ZNF804A: variants seen among roughly 807,000 people sequenced by gnomAD.
The protein encoded by ZNF804A is zinc finger protein 804A.
Under a neutral mutation model 16.5 loss-of-function variants are expected in ZNF804A, and 2 were observed. The observed-to-expected ratio is 0.12, with a 90% CI of 0.05 to 0.38. The LOEUF (loss-of-function observed/expected upper bound fraction) is 0.38. Ranked by LOEUF, ZNF804A falls within the 10% of genes least tolerant of loss-of-function variation. The probability of loss-of-function intolerance (pLI) is 0.99; values close to 1 mark genes in which losing one functional copy is unlikely to be tolerated. For synonymous variants in ZNF804A, 534 were observed against 489.6 expected (o/e 1.09, Z -1.20); for missense variants, 1,473 against 1,390.7 (o/e 1.06, Z -0.94).
Position 184,874,782 on chromosome 2 carries a change from G to T in ZNF804A, c.255+8270G>T, listed in dbSNP as rs530089104. On this transcript the variant is annotated intron_variant, in intron 2 of 3. Coordinates refer to ENST00000302277, the MANE Select transcript of ZNF804A (RefSeq NM_194250.2). ...TAATGTAAACAGTGCTCAGATTTCT[G>T]TCACACTTATGTTCTTATAGCATGT... 2.2e-4 allele frequency among the ~76,000 whole-genome samples: 34 copies of T among 152,098 alleles called. 1 individual carries two copies. Among genetic ancestry groups the T allele is most frequent in the Non-Finnish European group, 4.0e-4 (27 of 67,982 alleles).
chr2:184,909,146 T>G (rs913635331), intron 2 of ZNF804A, among the ~76,000 whole-genome samples: 1 of 152,138 alleles, frequency 6.6e-6, no homozygotes, highest in African/African-American at 2.4e-5. Flanking sequence ...TATTGTAATG[T>G]TCTGTTAGGA....
intron 1 of ZNF804A, among the ~76,000 whole-genome samples, chr2:184,646,462 T>C (rs1691874141): frequency 6.6e-6 from 1 of 152,194 alleles, no homozygotes; most frequent in African/African-American, 2.4e-5. Flanking sequence ...GCTCCAAGTA[T>C]TCAGAGCATT....
chr2:184,903,507 G>T lies in ZNF804A; in HGVS notation c.256-30096G>T, dbSNP rs141708262. ...AGTAGGTTATACCACCTAGGTTTGT[G>T]TAAGTACACTCTATTATGGTTGCAC... On this transcript the variant is annotated intron_variant, in intron 2 of 3. Coordinates refer to ENST00000302277, the MANE Select transcript of ZNF804A (RefSeq NM_194250.2). Among the ~76,000 whole-genome samples, 605 of 152,194 alleles carry T rather than the reference G, an allele frequency of 4.0e-3. 4 individuals carry two copies. The highest frequency in any genetic ancestry group is 0.014 in the African/African-American group (569 of 41,550).
intron 1 of ZNF804A, among the ~76,000 whole-genome samples, chr2:184,860,198 C>T (rs1262885502): frequency 6.6e-6 from 1 of 152,218 alleles, no homozygotes; most frequent in African/African-American, 2.4e-5. Flanking sequence ...TAATCTTTAT[C>T]TGCTGATGCT....
chr2:184,656,747 C>CAT (rs1198756637), intron 1 of ZNF804A, among the ~76,000 whole-genome samples: 16 of 151,886 alleles, frequency 1.1e-4, no homozygotes, highest in African/African-American at 3.1e-4. Flanking sequence ...CACACACACA[C>CAT]ACATATATAT....
intron 1 of ZNF804A, among the ~76,000 whole-genome samples, chr2:184,750,193 A>C (rs1361203128): frequency 1.3e-5 from 2 of 151,302 alleles, no homozygotes; most frequent in African/African-American, 4.8e-5. Flanking sequence ...TAATTTCTTT[A>C]AGGATTCTAT....
At chr2:184,624,759 A>G (rs1036769897) in intron 1 of ZNF804A, among the ~76,000 whole-genome samples, 2 of 152,196 alleles carry the variant, frequency 1.3e-5, no homozygotes, top group South Asian at 4.1e-4. Context: ...ATTCTTGGTG[A>G]AAAGCTGGTT....
At chr2:184,606,530 G>C (rs1330303455) in intron 1 of ZNF804A, among the ~76,000 whole-genome samples, 2 of 152,090 alleles carry the variant, frequency 1.3e-5, no homozygotes, top group African/African-American at 4.8e-5. Context: ...CACGTAGCCA[G>C]TTATTTAATC....
At chr2:184,762,022 G>T (rs533982840) in intron 1 of ZNF804A, among the ~76,000 whole-genome samples, 6 of 151,978 alleles carry the variant, frequency 3.9e-5, no homozygotes, top group African/African-American at 1.2e-4. Context: ...AACTGCTGAC[G>T]TATAGCTTAG....
At chr2:184,907,706 G>A (rs1433197124) in intron 2 of ZNF804A, among the ~76,000 whole-genome samples, 3 of 151,878 alleles carry the variant, frequency 2.0e-5, no homozygotes, top group Non-Finnish European at 4.4e-5. Flanking sequence ...CTAAAATAAG[G>A]GAATATGATA....
At chr2:184,818,442 C>T (rs1374186754) in intron 1 of ZNF804A, among the ~76,000 whole-genome samples, 1 of 150,944 alleles carries the variant, frequency 6.6e-6, no homozygotes, top group African/African-American at 2.5e-5. Context: ...CATTACCAGC[C>T]ACTAAAAAAA....
intron 2 of ZNF804A, among the ~76,000 whole-genome samples, chr2:184,913,689 G>C (rs1309570311): frequency 6.6e-6 from 1 of 152,146 alleles, no homozygotes; most frequent in African/African-American, 2.4e-5. Flanking sequence ...TATCCAAGAA[G>C]TTGATTCTGA....
intron 2 of ZNF804A, among the ~76,000 whole-genome samples, chr2:184,875,439 G>A (rs1258398959): frequency 6.6e-6 from 1 of 151,994 alleles, no homozygotes; most frequent in Non-Finnish European, 1.5e-5. Flanking sequence ...GCCCTCTCTG[G>A]CCATGTGATC....
intron 2 of ZNF804A, among the ~76,000 whole-genome samples, chr2:184,868,456 G>A (rs1425914324): frequency 6.6e-6 from 1 of 151,980 alleles, no homozygotes; most frequent in African/African-American, 2.4e-5. Flanking sequence ...ATTGGATATA[G>A]ACAATTCAGA....
At chr2:184,740,795 A>G (rs1022132529) in intron 1 of ZNF804A, among the ~76,000 whole-genome samples, 3 of 152,192 alleles carry the variant, frequency 2.0e-5, no homozygotes, top group African/African-American at 7.2e-5. Context: ...AAGACAGAAT[A>G]TAAAAATTCA....
chr2:184,804,016 A>C (rs1469568364), intron 1 of ZNF804A, among the ~76,000 whole-genome samples: 1 of 151,946 alleles, frequency 6.6e-6, no homozygotes, highest in Non-Finnish European at 1.5e-5. Context: ...GTGTGCGCCA[A>C]CATGCCTGGC....
At chr2:184,868,016 A>C (rs1441967953) in intron 2 of ZNF804A, among the ~76,000 whole-genome samples, 3 of 152,092 alleles carry the variant, frequency 2.0e-5, no homozygotes, top group Non-Finnish European at 4.4e-5. Flanking sequence ...AAGTTAGCCC[A>C]AGGGCATTTT....
intron 2 of ZNF804A, among the ~76,000 whole-genome samples, chr2:184,894,928 C>T (rs1685041742): frequency 6.6e-6 from 1 of 151,400 alleles, no homozygotes; most frequent in Admixed American, 6.6e-5. Context: ...CTCCTGACTT[C>T]GTGATCCCCC....
intron 1 of ZNF804A, among the ~76,000 whole-genome samples, chr2:184,706,297 T>C (rs1247050522): frequency 1.3e-5 from 2 of 152,106 alleles, no homozygotes; most frequent in African/African-American, 4.8e-5. Context: ...CACTTTAAGG[T>C]GGTGTGTACA....
Sources: gnomAD v4.1 joint callset for allele counts (sites outside exome capture counted in the v4.1 genomes callset) on GRCh38, gnomAD v4.1.1 for gene constraint, MANE v1.5 for transcripts, NCBI Gene and HGNC (gene_info 2026-07-23, HGNC 2026-07-21) for gene names.